Variants in SLC25A13 observed in about 807,000 individuals in gnomAD.
SLC25A13 encodes the protein solute carrier family 25 member 13.
SLC25A13 carries 70 observed loss-of-function variants against 85.5 expected under a neutral mutation model. That is an observed-to-expected ratio of 0.82 (90% CI 0.68 to 1.00). The LOEUF is 1.00. Among genes scored for constraint, SLC25A13 ranks in the 50% least tolerant of loss-of-function variants. The pLI, the probability that SLC25A13 is intolerant of heterozygous loss-of-function variation, is 0.00. For synonymous variants in SLC25A13, 259 were observed against 288.7 expected (o/e 0.90, Z 1.04); for missense variants, 765 against 819.8 (o/e 0.93, Z 0.82).
chr7:96,240,969 G>T (rs796906182), intron 3 of SLC25A13, among the ~76,000 whole-genome samples: 4 of 84,022 alleles, frequency 4.8e-5, no homozygotes, highest in African/African-American at 1.9e-4. Context: ...TACGAAAGCC[G>T]AAAGGAGAGG....
chr7:96,160,400 C>T (rs1584390901), intron 13 of SLC25A13, among the ~76,000 whole-genome samples: 1 of 152,340 alleles, frequency 6.6e-6, no homozygotes, highest in East Asian at 1.9e-4. Context: ...CTGTCTTAGT[C>T]TGTTCGGGCT....
In SLC25A13 at chr7:96,131,898, G is replaced by C; in HGVS notation, c.1453-17C>G. 6.2e-7 allele frequency: 1 copy of C among 1,613,356 alleles called. No individual in the cohort carries two copies. Reference sequence around the variant, plus strand: ...TTTGGCACCCTGCACATTTGCAAAGGAAGAAAAACCACATGAAACACATAT... The same window carrying C: ...TTTGGCACCCTGCACATTTGCAAAGCAAGAAAAACCACATGAAACACATAT... On this transcript the variant is annotated splice_polypyrimidine_tract_variant and intron_variant, in intron 14 of 17. Transcript: ENST00000265631.
rs187036488 is a variant in SLC25A13 at position 96,139,186 on chromosome 7, C to T, written c.1453-7305G>A. ...ATGATTATTATCCTCTTTCTACACA[C>T]GAGTCAATGATTCATCTGAAGCACA... On this transcript the variant is annotated intron_variant, in intron 14 of 17. Transcript: ENST00000265631. Among the ~76,000 whole-genome samples the T allele has an allele frequency of 5.3e-5, 8 of 152,220 alleles. No homozygotes were observed. The East Asian group carries it at 1.5e-3, about 29-fold the overall frequency.
At chr7:96,124,975 C>T (rs1413512864) in intron 15 of SLC25A13, among the ~76,000 whole-genome samples, 1 of 152,196 alleles carries the variant, frequency 6.6e-6, no homozygotes, top group African/African-American at 2.4e-5. Flanking sequence ...TTGTCAGTCT[C>T]CCAAAAACCA....
chr7:96,193,466 T>C (rs906246159), intron 5 of SLC25A13, among the ~76,000 whole-genome samples: 6 of 152,040 alleles, frequency 3.9e-5, no homozygotes, highest in Non-Finnish European at 8.8e-5. Flanking sequence ...ACAAAGAAAA[T>C]GAAAACCGGA....
chr7:96,309,854 G>C (rs181197632), intron 1 of SLC25A13, among the ~76,000 whole-genome samples: 1 of 152,086 alleles, frequency 6.6e-6, no homozygotes, highest in Non-Finnish European at 1.5e-5. Flanking sequence ...CCAGCCCCTC[G>C]GAAGATGACT....
intron 13 of SLC25A13, among the ~76,000 whole-genome samples, chr7:96,156,788 C>G (rs1255626857): frequency 2.0e-5 from 3 of 151,918 alleles, no homozygotes; most frequent in Non-Finnish European, 4.4e-5. Flanking sequence ...CTCAAGTGAT[C>G]CACCTGCCTC....
At chr7:96,298,597 C>G (rs1379583989) in intron 1 of SLC25A13, among the ~76,000 whole-genome samples, 1 of 152,088 alleles carries the variant, frequency 6.6e-6, no homozygotes, top group African/African-American at 2.4e-5. Flanking sequence ...CCATGCCCGG[C>G]TAATTTTTTA....
At chr7:96,167,796 G>A (rs1793816032) in intron 13 of SLC25A13, among the ~76,000 whole-genome samples, 4 of 152,268 alleles carry the variant, frequency 2.6e-5, no homozygotes, top group African/African-American at 9.6e-5. Flanking sequence ...GAAAGATGCT[G>A]CTATTACTTA....
intron 4 of SLC25A13, among the ~76,000 whole-genome samples, chr7:96,229,370 GGACCAATCAGCTCTCTGTAAAACA>G (rs1348490127): frequency 3.9e-5 from 6 of 152,094 alleles, no homozygotes; most frequent in East Asian, 1.9e-4. Context: ...CTGTCAAAAT[GGACCAATCAGCTCTCTGTAAAACA>G]GACCAATCAG....
chr7:96,276,939 T>G (rs1798474159), intron 3 of SLC25A13, among the ~76,000 whole-genome samples: 1 of 152,190 alleles, frequency 6.6e-6, no homozygotes, highest in Non-Finnish European at 1.5e-5. Context: ...ATCACCACCT[T>G]GTTGACAATA....
At chr7:96,255,101 T>C (rs1797581987) in intron 3 of SLC25A13, among the ~76,000 whole-genome samples, 1 of 152,196 alleles carries the variant, frequency 6.6e-6, no homozygotes, top group African/African-American at 2.4e-5. Context: ...GAATACAGTA[T>C]TTTAACTATA....
At chr7:96,154,323 G>GTCTC (rs1012657038) in intron 13 of SLC25A13, among the ~76,000 whole-genome samples, 12 of 144,502 alleles carry the variant, frequency 8.3e-5, no homozygotes, top group Non-Finnish European at 1.3e-4. Flanking sequence ...TTAAGACAGA[G>GTCTC]TCTCACTCTC....
intron 2 of SLC25A13, among the ~76,000 whole-genome samples, chr7:96,282,728 T>G (rs1798735680): frequency 6.6e-6 from 1 of 152,180 alleles, no homozygotes; most frequent in Non-Finnish European, 1.5e-5. Context: ...ATGTATAAAC[T>G]AACATGACAA....
chr7:96,140,330 T>C (rs920848949), intron 14 of SLC25A13, among the ~76,000 whole-genome samples: 53 of 152,112 alleles, frequency 3.5e-4, no homozygotes, highest in Non-Finnish European at 6.9e-4. Flanking sequence ...TTTTAACTTT[T>C]TGAGAAAACT....
intron 4 of SLC25A13, chr7:96,219,541 T>G (rs1480039001): frequency 2.7e-6 from 1 of 363,860 alleles, no homozygotes; most frequent in African/African-American, 2.1e-5. Context: ...CTGGGCCTGT[T>G]TCCTCATCCA....
intron 3 of SLC25A13, among the ~76,000 whole-genome samples, chr7:96,263,205 C>T (rs572485749): frequency 4.0e-5 from 6 of 151,740 alleles, no homozygotes; most frequent in East Asian, 1.9e-4. Context: ...CTCTTTATTC[C>T]GTGAATGTCA....
intron 15 of SLC25A13, among the ~76,000 whole-genome samples, chr7:96,126,947 T>TC (rs1305190161): frequency 2.5e-5 from 3 of 119,042 alleles, no homozygotes; most frequent in African/African-American, 7.9e-5. Flanking sequence ...AGTAGTTTTC[T>TC]CATAATACAC....
intron 3 of SLC25A13, among the ~76,000 whole-genome samples, chr7:96,255,350 T>C (rs1441841086): frequency 6.6e-6 from 1 of 152,222 alleles, no homozygotes; most frequent in Non-Finnish European, 1.5e-5. Context: ...ATCTTTACAT[T>C]TGAAATATCA....
Sources: allele counts gnomAD v4.1 joint callset (sites outside exome capture counted in the v4.1 genomes callset), GRCh38; gene constraint gnomAD v4.1.1; transcripts MANE v1.5; gene names NCBI Gene and HGNC (gene_info 2026-07-23, HGNC 2026-07-21).